Variants in CNTNAP2 observed in about 807,000 individuals in gnomAD.
CNTNAP2 encodes contactin-associated protein-like 2.
CNTNAP2 carries 98 observed loss-of-function variants against 155.2 expected under a neutral mutation model. That is an observed-to-expected ratio of 0.63 (90% CI 0.54 to 0.75). The LOEUF is 0.75. Among genes scored for constraint, CNTNAP2 ranks in the 30% least tolerant of loss-of-function variants. The pLI is 0.00. For missense variants in CNTNAP2, 1,727 were observed against 1,688.1 expected (o/e 1.02, Z -0.40); for synonymous variants, 651 against 631.2 (o/e 1.03, Z -0.47).
intron 1 of CNTNAP2, among the ~76,000 whole-genome samples, chr7:146,526,456 G>C (rs1260486483): frequency 6.6e-6 from 1 of 152,146 alleles, no homozygotes; most frequent in South Asian, 2.1e-4. Context: ...TCACATGGCA[G>C]AAGCAGGAGC....
chr7:147,019,703 G>A (rs1288735848), intron 3 of CNTNAP2, among the ~76,000 whole-genome samples: 2 of 152,196 alleles, frequency 1.3e-5, no homozygotes, highest in South Asian at 2.1e-4. Context: ...TTAGTCCCTA[G>A]TCAACATGGT....
At position 148,118,187 on chromosome 7, in the gene CNTNAP2, A is replaced by G. The variant is rs1199837380; in HGVS notation, c.2453A>G (p.Glu818Gly). ...CTGCACTTCTCTACTTTCCAAGGGG[A>G]AACTAGCGCTGACATTTCTTTCTAC... The part of the protein sequence containing the change: ...SYLHFSTFQG[E>G]TSADISFYFK... The change falls in exon 16 of 24, where the codon GAA becomes GGA. Residue 818 changes from glutamate (E) to glycine (G), a missense_variant. Glu to Gly is a moderately conservative substitution (Grantham distance 98). Coordinates refer to ENST00000361727, the MANE Select transcript of CNTNAP2 (RefSeq NM_014141.6). 1.2e-6 allele frequency: 2 copies of G among 1,614,050 alleles called. No individual in the cohort carries two copies. The highest frequency in any genetic ancestry group is 2.7e-5 in the African/African-American group (2 of 74,906).
intron 10 of CNTNAP2, among the ~76,000 whole-genome samples, chr7:147,407,550 T>TAGG (rs1381311730): frequency 1.4e-5 from 2 of 146,458 alleles, no homozygotes; most frequent in East Asian, 2.1e-4. Context: ...ATAGTTATTA[T>TAGG]AGGACACTTG....
chr7:147,432,360 G>A (rs1797479754), intron 10 of CNTNAP2, among the ~76,000 whole-genome samples: 2 of 152,108 alleles, frequency 1.3e-5, no homozygotes, highest in Admixed American at 1.3e-4. Context: ...ACTGAGAATC[G>A]CAGCTTTAGA....
At chr7:147,857,244 A>C (rs1192987336) in intron 13 of CNTNAP2, among the ~76,000 whole-genome samples, 1 of 152,186 alleles carries the variant, frequency 6.6e-6, no homozygotes, top group Non-Finnish European at 1.5e-5. Flanking sequence ...TTAAGTAGTT[A>C]TTTTTCTAAC....
chr7:147,217,335 G>C (rs1402115353), intron 8 of CNTNAP2, among the ~76,000 whole-genome samples: 1 of 151,560 alleles, frequency 6.6e-6, no homozygotes, highest in Non-Finnish European at 1.5e-5. Flanking sequence ...CTTATTCCTA[G>C]GTTACTGATT....
chr7:146,534,401 A>G (rs2129139738), intron 1 of CNTNAP2, among the ~76,000 whole-genome samples: 2 of 152,256 alleles, frequency 1.3e-5, no homozygotes, highest in East Asian at 3.9e-4. Flanking sequence ...CGTAGGAATA[A>G]CAGTGATACA....
At chr7:147,835,566 A>T (rs1432217085) in intron 13 of CNTNAP2, among the ~76,000 whole-genome samples, 2 of 152,200 alleles carry the variant, frequency 1.3e-5, no homozygotes, top group Non-Finnish European at 2.9e-5. Flanking sequence ...AATAATGCTC[A>T]AGTGTAATCT....
chr7:146,934,344 A>G (rs1796861194), intron 3 of CNTNAP2, among the ~76,000 whole-genome samples: 1 of 151,566 alleles, frequency 6.6e-6, no homozygotes, highest in Non-Finnish European at 1.5e-5. Context: ...TACAAGAACA[A>G]AAAACCAAAC....
chr7:146,226,696 C>A (rs1262721001), intron 1 of CNTNAP2, among the ~76,000 whole-genome samples: 1 of 151,872 alleles, frequency 6.6e-6, no homozygotes. Flanking sequence ...AACAAATAAA[C>A]AAACAAACAC....
At chr7:147,823,966 ACTAAGGTTTGTGTTGT>A (rs1287150664) in intron 13 of CNTNAP2, among the ~76,000 whole-genome samples, 1 of 152,164 alleles carries the variant, frequency 6.6e-6, no homozygotes, top group Non-Finnish European at 1.5e-5. Flanking sequence ...CCCTGGCATG[ACTAAGGTTTGTGTTGT>A]CTTTCTAGCA....
At chr7:146,462,341 T>C (rs1370701567) in intron 1 of CNTNAP2, among the ~76,000 whole-genome samples, 1 of 152,224 alleles carries the variant, frequency 6.6e-6, no homozygotes, top group Non-Finnish European at 1.5e-5. Context: ...TGAGAATTAG[T>C]ATGTTTACTA....
chr7:146,893,546 A>G (rs1446518346), intron 3 of CNTNAP2, among the ~76,000 whole-genome samples: 1 of 151,906 alleles, frequency 6.6e-6, no homozygotes, highest in African/African-American at 2.4e-5. Context: ...TCTCTCCTGG[A>G]GCAGAAGCAT....
At chr7:146,572,848 C>T (rs1046520061) in intron 1 of CNTNAP2, among the ~76,000 whole-genome samples, 4 of 151,870 alleles carry the variant, frequency 2.6e-5, no homozygotes, top group African/African-American at 9.7e-5. Flanking sequence ...GTTTGTATAA[C>T]TGGAGTTAGT....
intron 15 of CNTNAP2, among the ~76,000 whole-genome samples, chr7:148,037,473 A>G (rs2707582): frequency 0.61 from 92,977 of 152,008 alleles, 28,640 homozygotes; most frequent in East Asian, 0.76. Context: ...CTAGGTCAAT[A>G]ATAAAAAATA....
At chr7:147,879,989 A>G (rs1384679539) in intron 13 of CNTNAP2, among the ~76,000 whole-genome samples, 1 of 152,230 alleles carries the variant, frequency 6.6e-6, no homozygotes, top group African/African-American at 2.4e-5. Context: ...TGTGGAAAAA[A>G]TGAAATTGAA....
At chr7:147,972,863 A>G (rs371988825) in intron 14 of CNTNAP2, among the ~76,000 whole-genome samples, 13 of 152,262 alleles carry the variant, frequency 8.5e-5, no homozygotes, top group East Asian at 1.9e-4. Flanking sequence ...TGGACAACAT[A>G]AAGGTATTTC....
At chr7:147,750,354 T>A (rs949084981) in intron 13 of CNTNAP2, among the ~76,000 whole-genome samples, 4 of 152,220 alleles carry the variant, frequency 2.6e-5, no homozygotes, top group Non-Finnish European at 5.9e-5. Context: ...TGCATAGAGA[T>A]CCAGAATAAC....
intron 11 of CNTNAP2, among the ~76,000 whole-genome samples, chr7:147,515,066 A>G (rs2116696199): frequency 6.6e-6 from 1 of 152,124 alleles, no homozygotes; most frequent in Middle Eastern, 3.4e-3. Context: ...TCAGTTGCTC[A>G]CACATTTTAA....
Sources: gnomAD v4.1 joint callset for allele counts (sites outside exome capture counted in the v4.1 genomes callset) on GRCh38, gnomAD v4.1.1 for gene constraint, MANE v1.5 for transcripts, NCBI Gene and HGNC (gene_info 2026-07-23, HGNC 2026-07-21) for gene names.